Variants in ST8SIA1 observed in about 807,000 individuals in gnomAD.
ST8SIA1 encodes ST8 alpha-N-acetyl-neuraminide alpha-2,8-sialyltransferase 1.
In ST8SIA1, 16 loss-of-function variants were observed where a neutral mutation model predicts 35.9. That is an observed-to-expected ratio of 0.45 (90% confidence interval 0.30 to 0.68). The LOEUF is 0.68. ST8SIA1 is among the 30% of genes least tolerant of loss of function. The pLI, the probability that ST8SIA1 is intolerant of heterozygous loss-of-function variation, is 0.09. For synonymous variants in ST8SIA1, 170 were observed against 169.6 expected, an observed-to-expected ratio of 1.00 and a Z score of -0.02; for missense variants, 383 against 453.6, an observed-to-expected ratio of 0.84 and a Z score of 1.41.
At chr12:22,288,297 G>A (rs145000069) in intron 1 of ST8SIA1, among the ~76,000 whole-genome samples, 161 of 152,334 alleles carry the variant, frequency 1.1e-3, no homozygotes, top group African/African-American at 3.6e-3. Flanking sequence ...AAAGGGGACG[G>A]TGGAGTGGGA....
intron 1 of ST8SIA1, among the ~76,000 whole-genome samples, chr12:22,322,729 T>C (rs1866617253): frequency 6.6e-6 from 1 of 152,168 alleles, no homozygotes; most frequent in South Asian, 2.1e-4. Flanking sequence ...CACCAACACT[T>C]CACCACCAAA....
Position 22,200,275 on chromosome 12 carries a change from T to C in ST8SIA1, c.*1277A>G, listed in dbSNP as rs538928778. On this transcript the variant is annotated 3_prime_UTR_variant, in exon 5 of 5. Coordinates refer to ENST00000396037, the MANE Select transcript of ST8SIA1 (RefSeq NM_003034.4). ...GCAACCAGTGAGCTCGGTTGTCTTATATCAACATGTAATGGATAGTGCATA... is the reference window on the plus strand; with the variant it reads ...GCAACCAGTGAGCTCGGTTGTCTTACATCAACATGTAATGGATAGTGCATA... 1.3e-5 allele frequency: 2 copies of C among 152,308 alleles called. No individual in the cohort carries two copies. The highest frequency in any genetic ancestry group is 3.9e-4 in the East Asian group (2 of 5,176). The allele number at this position is 152,308 out of a possible 1,614,324, so 9.4% of individuals were successfully genotyped here.
At chr12:22,317,124 A>G (rs12824390) in intron 1 of ST8SIA1, among the ~76,000 whole-genome samples, 61,413 of 151,682 alleles carry the variant, frequency 0.4, 12,992 homozygotes, top group Middle Eastern at 0.62. Context: ...TTAAAAAAAG[A>G]AAAGGAGAAA....
chr12:22,266,506 T>A (rs565499003), intron 2 of ST8SIA1, among the ~76,000 whole-genome samples: 9 of 151,192 alleles, frequency 6.0e-5, no homozygotes, highest in East Asian at 2.0e-4. Context: ...AAAAAAAATA[T>A]ATATATATAT....
chr12:22,239,618 A>G (rs1017608439), intron 4 of ST8SIA1, among the ~76,000 whole-genome samples: 3 of 152,226 alleles, frequency 2.0e-5, no homozygotes, highest in African/African-American at 7.2e-5. Context: ...GACAATTCCA[A>G]TAAGTTCTCA....
intron 2 of ST8SIA1, among the ~76,000 whole-genome samples, chr12:22,283,401 C>T (rs540806027): frequency 3.9e-5 from 6 of 152,042 alleles, no homozygotes; most frequent in Admixed American, 3.9e-4. Flanking sequence ...AAATAGGGTT[C>T]ATTCAATAAT....
intron 1 of ST8SIA1, among the ~76,000 whole-genome samples, chr12:22,298,709 C>T (rs541488929): frequency 2.0e-5 from 3 of 152,210 alleles, no homozygotes; most frequent in South Asian, 4.1e-4. Context: ...CAGCTCCACA[C>T]CAACATATTG....
chr12:22,213,721 T>G (rs2268858), intron 4 of ST8SIA1, among the ~76,000 whole-genome samples: 31,464 of 151,978 alleles, frequency 0.21, 3,565 homozygotes, highest in South Asian at 0.33. Flanking sequence ...GAAGGATCTA[T>G]TCCACTCAAG....
At chr12:22,227,667 CA>C (rs1164719788) in intron 4 of ST8SIA1, among the ~76,000 whole-genome samples, 1 of 152,044 alleles carries the variant, frequency 6.6e-6, no homozygotes. Flanking sequence ...AGTAGAAAAA[CA>C]AACATAAAGC....
intron 1 of ST8SIA1, among the ~76,000 whole-genome samples, chr12:22,321,015 AAAGAAAGAAAGAAAGAAAGAGAAAGAG>A (rs1565596062): frequency 5.3e-4 from 55 of 103,382 alleles, no homozygotes; most frequent in Middle Eastern, 4.8e-3. Context: ...AGAAAGAAAG[AAAGAAAGAAAGAAAGAAAGAGAAAGAG>A]AAAGAAAAGA....
At chr12:22,321,418 C>T (rs985103093) in intron 1 of ST8SIA1, among the ~76,000 whole-genome samples, 2 of 152,196 alleles carry the variant, frequency 1.3e-5, no homozygotes, top group Admixed American at 1.3e-4. Flanking sequence ...GAATATTCCC[C>T]TCCTCCCTGC....
chr12:22,253,997 C>CT (rs1031814460), intron 3 of ST8SIA1, among the ~76,000 whole-genome samples: 3 of 152,114 alleles, frequency 2.0e-5, no homozygotes, highest in African/African-American at 7.2e-5. Context: ...TCTTGGCTAC[C>CT]TTTTTTCCAC....
chr12:22,325,898 A>C (rs1224639596), intron 1 of ST8SIA1: 1 of 701,536 alleles, frequency 1.4e-6, no homozygotes. Context: ...ATATTAAGTG[A>C]CTCATGGGCA....
At chr12:22,285,820 A>G (rs1866090711) in intron 2 of ST8SIA1, among the ~76,000 whole-genome samples, 1 of 149,292 alleles carries the variant, frequency 6.7e-6, no homozygotes, top group Non-Finnish European at 1.5e-5. Context: ...CAGTGACCCA[A>G]GATCATGCTA....
chr12:22,296,243 G>A (rs146250514), intron 1 of ST8SIA1, among the ~76,000 whole-genome samples: 7 of 152,220 alleles, frequency 4.6e-5, no homozygotes, highest in Admixed American at 3.3e-4. Context: ...GGGTGCATGC[G>A]GCACTTACTC....
chr12:22,315,205 T>C (rs975944014), intron 1 of ST8SIA1, among the ~76,000 whole-genome samples: 2 of 151,924 alleles, frequency 1.3e-5, no homozygotes, highest in Admixed American at 6.5e-5. Context: ...ACTCGTTGAA[T>C]TTAAAAAAAA....
At chr12:22,314,410 C>T (rs1373484707) in intron 1 of ST8SIA1, among the ~76,000 whole-genome samples, 1 of 152,082 alleles carries the variant, frequency 6.6e-6, no homozygotes. Flanking sequence ...GTCACCAGAG[C>T]ATCTACTGGG....
chr12:22,255,686 T>TAA lies in ST8SIA1; in HGVS notation c.382-299_382-298dup, dbSNP rs5796957. 3.4e-3 allele frequency among the ~76,000 whole-genome samples: 515 copies of TAA among 150,574 alleles called. 6 individuals are homozygous for TAA. The highest frequency in any genetic ancestry group is 0.011 in the African/African-American group (438 of 41,126). On this transcript the variant is annotated intron_variant, in intron 2 of 4. Coordinates refer to ENST00000396037, the MANE Select transcript of ST8SIA1 (RefSeq NM_003034.4). Reference sequence around the variant, plus strand: ...GTAGAAGGTGTTTGCTAGGGAAAATTAAAAAAAAAATACAAAGTAAACACA... The same window carrying TAA: ...GTAGAAGGTGTTTGCTAGGGAAAATTAAAAAAAAAAAATACAAAGTAAACACA...
chr12:22,266,477 C>G (rs569846492), intron 2 of ST8SIA1, among the ~76,000 whole-genome samples: 1 of 146,346 alleles, frequency 6.8e-6, no homozygotes, highest in Non-Finnish European at 1.5e-5. Context: ...CAAGGTTATA[C>G]CAGAAAACCC....
Sources: allele counts gnomAD v4.1 joint callset (sites outside exome capture counted in the v4.1 genomes callset), GRCh38; gene constraint gnomAD v4.1.1; transcripts MANE v1.5; gene names NCBI Gene and HGNC (gene_info 2026-07-23, HGNC 2026-07-21).